Variants in NME7 observed in about 807,000 individuals in gnomAD.
NME7 encodes the protein NME/NM23 family member 7, also known as nucleoside diphosphate kinase 7.
In NME7, 41 loss-of-function variants were observed where a neutral mutation model predicts 49.1. The observed-to-expected ratio is 0.83, with a 90% CI of 0.65 to 1.08. NME7 has a LOEUF of 1.08. NME7 is among the 50% of genes least tolerant of loss of function. The pLI is 0.00. For missense variants in NME7, 423 were observed against 463.4 expected (o/e 0.91, Z 0.80); for synonymous variants, 139 against 150.6 (o/e 0.92, Z 0.56).
At chr1:169,257,805 T>C (rs549016444) in intron 7 of NME7, among the ~76,000 whole-genome samples, 1 of 134,330 alleles carries the variant, frequency 7.4e-6, no homozygotes, top group East Asian at 2.0e-4. Context: ...AGTTTTGTTC[T>C]GGATACAAAA....
intron 10 of NME7, among the ~76,000 whole-genome samples, chr1:169,211,968 T>C (rs891596928): frequency 3.3e-5 from 5 of 152,150 alleles, no homozygotes; most frequent in African/African-American, 4.8e-5. Context: ...GTTACTCTCT[T>C]ACTAGGTTGC....
intron 10 of NME7, among the ~76,000 whole-genome samples, chr1:169,187,390 G>A (rs1162159901): frequency 6.6e-6 from 1 of 152,062 alleles, no homozygotes; most frequent in Non-Finnish European, 1.5e-5. Context: ...AAGTCTCTTT[G>A]TAGGTCTCTA....
At chr1:169,148,005 ATTTTAT>A (rs1557961785) in intron 11 of NME7, among the ~76,000 whole-genome samples, 10 of 91,686 alleles carry the variant, frequency 1.1e-4, no homozygotes, top group African/African-American at 4.4e-4. Context: ...AGTTTCTTTT[ATTTTAT>A]TTTTTTTTTG....
At chr1:169,308,334 G>A (rs1651259890) in intron 4 of NME7, among the ~76,000 whole-genome samples, 1 of 152,128 alleles carries the variant, frequency 6.6e-6, no homozygotes, top group South Asian at 2.1e-4. Context: ...AAACAAAAAT[G>A]CAACTGACCC....
chr1:169,151,589 T>C lies in NME7; in HGVS notation c.1098+17858A>G, dbSNP rs1271280511. On this transcript the variant is annotated intron_variant, in intron 11 of 11. Coordinates refer to ENST00000367811, the MANE Select transcript of NME7 (RefSeq NM_013330.5). The stretch of plus-strand genomic sequence containing the variant: ...ACCTCCGCTAGTCCCCCCCAGGCTG[T>C]CCAGCCCCCTGAAGCCTGTGATGAT... Among the ~76,000 whole-genome samples the C allele has an allele frequency of 2.6e-5, 4 of 152,118 alleles. No individual in the cohort carries two copies. The East Asian group carries it at 7.7e-4, about 29-fold the overall frequency.
intron 7 of NME7, among the ~76,000 whole-genome samples, chr1:169,243,049 T>C (rs1648158848): frequency 6.6e-6 from 1 of 152,104 alleles, no homozygotes; most frequent in South Asian, 2.1e-4. Flanking sequence ...ATAAGATTAT[T>C]CTAAAATTAT....
chr1:169,229,738 A>C (rs1557997930), intron 10 of NME7, among the ~76,000 whole-genome samples: 1 of 152,150 alleles, frequency 6.6e-6, no homozygotes, highest in Non-Finnish European at 1.5e-5. Flanking sequence ...AGACAGGCTG[A>C]TCACCTGAGG....
At chr1:169,360,518 A>G (rs2101988740) in intron 1 of NME7, among the ~76,000 whole-genome samples, 1 of 152,312 alleles carries the variant, frequency 6.6e-6, no homozygotes, top group South Asian at 2.1e-4. Context: ...AAGTCTCAGT[A>G]TTCCTGGCTC....
intron 10 of NME7, among the ~76,000 whole-genome samples, chr1:169,203,814 A>G (rs1318311174): frequency 6.6e-6 from 1 of 152,024 alleles, no homozygotes; most frequent in East Asian, 1.9e-4. Flanking sequence ...GTATAATGAG[A>G]TGTGTCTGAT....
chr1:169,187,162 T>A (rs929776993), intron 10 of NME7, among the ~76,000 whole-genome samples: 2 of 151,902 alleles, frequency 1.3e-5, no homozygotes, highest in African/African-American at 4.8e-5. Context: ...TGCTGAGGAG[T>A]GTTTTATGTA....
rs1024549624 is a variant in NME7 at position 169,258,630 on chromosome 1, T to C, written c.755-20943A>G. ...ATTCCCTCAGCACTGGCAAGGCTTA[T>C]ATTGCCATTCATAGATAGACTTAAA... On this transcript the variant is annotated intron_variant, in intron 7 of 11. Transcript: ENST00000367811. 2.3e-5 allele frequency among the ~76,000 whole-genome samples: 3 copies of C among 131,170 alleles called. 1 individual carries two copies. The highest frequency in any genetic ancestry group is 7.7e-5 in the African/African-American group (3 of 38,904). 86.1% of individuals were successfully genotyped at this position (131,170 alleles called of 152,430 possible). A position where few individuals can be genotyped will look rare whatever the true frequency, so the allele number is the denominator to read the frequency against.
chr1:169,337,865 A>G (rs1652541608), intron 1 of NME7, among the ~76,000 whole-genome samples: 1 of 152,246 alleles, frequency 6.6e-6, no homozygotes, highest in Non-Finnish European at 1.5e-5. Flanking sequence ...AAAGACCAAG[A>G]AATTTTCTTA....
intron 7 of NME7, among the ~76,000 whole-genome samples, chr1:169,244,730 A>G (rs1648238955): frequency 6.6e-6 from 1 of 152,138 alleles, no homozygotes; most frequent in Non-Finnish European, 1.5e-5. Context: ...TAATAATCTA[A>G]TAGTTTTATT....
At chr1:169,298,984 T>C (rs1467145858) in intron 5 of NME7, among the ~76,000 whole-genome samples, 1 of 152,162 alleles carries the variant, frequency 6.6e-6, no homozygotes, top group South Asian at 2.1e-4. Context: ...TAATGTCAAA[T>C]TACTGTTACC....
intron 7 of NME7, among the ~76,000 whole-genome samples, chr1:169,262,865 A>T (rs1649207122): frequency 7.5e-6 from 1 of 134,036 alleles, no homozygotes; most frequent in African/African-American, 2.5e-5. Flanking sequence ...GCACACAGAT[A>T]GTAGATTAGG....
chr1:169,201,370 G>T (rs1295048477), intron 10 of NME7, among the ~76,000 whole-genome samples: 1 of 152,144 alleles, frequency 6.6e-6, no homozygotes, highest in Non-Finnish European at 1.5e-5. Context: ...TTAAGCAGGG[G>T]CATAATATGA....
chr1:169,293,977 T>G (rs2101902045), intron 6 of NME7, among the ~76,000 whole-genome samples: 1 of 152,294 alleles, frequency 6.6e-6, no homozygotes, highest in East Asian at 1.9e-4. Flanking sequence ...AATTACATTT[T>G]CTAACTGGTT....
At chr1:169,212,696 G>A (rs867501085) in intron 10 of NME7, among the ~76,000 whole-genome samples, 2 of 150,938 alleles carry the variant, frequency 1.3e-5, no homozygotes, top group African/African-American at 2.4e-5. Context: ...TTAAGTCCTG[G>A]GCTCAAGTGA....
intron 10 of NME7, 26 bp downstream of exon 10, chr1:169,230,692 G>T: frequency 6.7e-7 from 1 of 1,498,090 alleles, no homozygotes; most frequent in Non-Finnish European, 9.1e-7. Context: ...ACACAAACTA[G>T]GATAATATTT....
Sources: gnomAD v4.1 joint callset for allele counts (sites outside exome capture counted in the v4.1 genomes callset) on GRCh38, gnomAD v4.1.1 for gene constraint, MANE v1.5 for transcripts, NCBI Gene and HGNC (gene_info 2026-07-23, HGNC 2026-07-21) for gene names.